Variants in SCOC observed in about 807,000 individuals in gnomAD.
SCOC encodes the protein short coiled coil protein.
A neutral mutation model predicts 9.9 loss-of-function variants in SCOC; 7 were observed. The observed-to-expected ratio is 0.71, with a 90% CI of 0.40 to 1.33. SCOC has a LOEUF of 1.33. SCOC is among the 40% of genes most tolerant of loss of function. The probability of loss-of-function intolerance (pLI) is 0.01; values close to 1 mark genes in which losing one functional copy is unlikely to be tolerated. For missense variants in SCOC, 66 were observed against 89.7 expected (o/e 0.74, Z 1.07); for synonymous variants, 19 against 28.2 (o/e 0.67, Z 1.03).
chr4:140,303,238 G>GA (rs960780424), intron 1 of SCOC, among the ~76,000 whole-genome samples: 8 of 152,074 alleles, frequency 5.3e-5, no homozygotes, highest in Non-Finnish European at 1.0e-4. Context: ...AGGGTTTACA[G>GA]AAAAAAAATT....
intron 1 of SCOC, among the ~76,000 whole-genome samples, chr4:140,326,583 T>C (rs1732652977): frequency 6.6e-6 from 1 of 152,192 alleles, no homozygotes; most frequent in African/African-American, 2.4e-5. Context: ...GGCCTGTGTT[T>C]GTCTCCCTCT....
In SCOC at chr4:140,380,039, A is replaced by T. The variant is rs1384307454; in HGVS notation, c.106+387A>T. On this transcript the variant is annotated intron_variant, in intron 3 of 3. Transcript: ENST00000608372. ...TCTAAATCTTGCATAAAATTAATAC[A>T]CTGAAACATCTTTTGAGTTTTAATG... 2.0e-5 allele frequency among the ~76,000 whole-genome samples: 3 copies of T among 152,174 alleles called. No individual in the cohort carries two copies. In the East Asian group the frequency reaches 5.8e-4, roughly 29 times the overall value.
intron 2 of SCOC, among the ~76,000 whole-genome samples, chr4:140,353,594 G>A (rs1369190040): frequency 6.6e-6 from 1 of 152,008 alleles, no homozygotes; most frequent in East Asian, 1.9e-4. Context: ...TGTATTTTTA[G>A]TAGAGACAGG....
chr4:140,267,654 C>T (rs1438484321), intron 1 of SCOC, among the ~76,000 whole-genome samples: 1 of 152,116 alleles, frequency 6.6e-6, no homozygotes, highest in Admixed American at 6.6e-5. Context: ...CCAGACAGGT[C>T]CACTAAGGGT....
intron 2 of SCOC, among the ~76,000 whole-genome samples, chr4:140,350,584 G>A (rs1726933961): frequency 1.3e-5 from 2 of 152,158 alleles, no homozygotes; most frequent in African/African-American, 2.4e-5. Context: ...ACTGTCATAT[G>A]CCAGGTAGTA....
intron 1 of SCOC, among the ~76,000 whole-genome samples, chr4:140,262,600 G>A (rs1308779265): frequency 6.6e-6 from 1 of 152,166 alleles, no homozygotes; most frequent in African/African-American, 2.4e-5. Context: ...AGAGGAAAGC[G>A]AGGTGGGGGA....
At chr4:140,259,754 T>C (rs1275285651) in intron 1 of SCOC, among the ~76,000 whole-genome samples, 1 of 152,170 alleles carries the variant, frequency 6.6e-6, no homozygotes, top group Non-Finnish European at 1.5e-5. Flanking sequence ...AAAACTTACT[T>C]ACCTGTAATC....
rs868539301 is a variant in SCOC at position 140,297,275 on chromosome 4, G to C, written c.-19+39865G>C. Among the ~76,000 whole-genome samples the C allele has an allele frequency of 9.4e-3, 1,425 of 152,000 alleles. 28 individuals are homozygous for C. The highest frequency in any genetic ancestry group is 0.031 in the African/African-American group (1,295 of 41,462). On this transcript the variant is annotated intron_variant, in intron 1 of 4. Coordinates refer to the SCOC transcript ENST00000394205. ...GAGAGCATTCTGGTGACTGTGGGGG[G>C]GGGGGCACTGTTGTCAGTATCTGCT...
intron 1 of SCOC, among the ~76,000 whole-genome samples, chr4:140,288,829 A>C (rs1459948182): frequency 1.3e-5 from 2 of 152,004 alleles, no homozygotes; most frequent in Non-Finnish European, 2.9e-5. Context: ...CATACTACCC[A>C]CATATATCAC....
upstream of SCOC, among the ~76,000 whole-genome samples, chr4:140,341,156 A>G (rs1247673729): frequency 6.6e-6 from 1 of 152,190 alleles, no homozygotes; most frequent in African/African-American, 2.4e-5. Context: ...CTTGAAGAAT[A>G]TCAGAAAAAA....
In SCOC at chr4:140,373,771, T is replaced by A. The variant is rs551207926; in HGVS notation, c.-51+54T>A. 9 of 1,499,912 alleles carry A rather than the reference T, an allele frequency of 6.0e-6. No homozygotes were observed. In the African/African-American group the frequency reaches 1.3e-4, roughly 21 times the overall value. 92.9% of individuals were successfully genotyped at this position (1,499,912 alleles called of 1,614,324 possible). On this transcript the variant is annotated intron_variant, in intron 1 of 3. Coordinates refer to ENST00000608372, the MANE Select transcript of SCOC (RefSeq NM_001153484.2). ...CTGGCCCCAGGCGACTAGAGCTGCA[T>A]CCTCAGTACCTCCGAGGGCCTGGAG...
intron 1 of SCOC, among the ~76,000 whole-genome samples, chr4:140,291,740 A>G (rs1731478535): frequency 6.6e-6 from 1 of 152,186 alleles, no homozygotes; most frequent in African/African-American, 2.4e-5. Context: ...GTCATTCTCC[A>G]GGATCCATCT....
intron 1 of SCOC, among the ~76,000 whole-genome samples, chr4:140,300,223 G>A (rs767759574): frequency 8.5e-5 from 13 of 152,188 alleles, no homozygotes; most frequent in Non-Finnish European, 1.3e-4. Context: ...TGCTAGCAAA[G>A]AACCAGAATT....
chr4:140,307,670 G>T (rs1286123656), intron 1 of SCOC, among the ~76,000 whole-genome samples: 6 of 152,188 alleles, frequency 3.9e-5, no homozygotes, highest in African/African-American at 1.2e-4. Context: ...TCTTAGGTTT[G>T]ATCTAAGTAG....
intron 1 of SCOC, among the ~76,000 whole-genome samples, chr4:140,308,109 T>C (rs933244049): frequency 2.0e-5 from 3 of 152,210 alleles, no homozygotes; most frequent in East Asian, 1.9e-4. Context: ...TGGGATATGA[T>C]GAATGTGCTA....
intron 2 of SCOC, chr4:140,361,101 C>T (rs1321609656): frequency 6.6e-6 from 1 of 152,088 alleles, no homozygotes; most frequent in African/African-American, 2.4e-5. Flanking sequence ...TGCTGGTATG[C>T]CAAGAGTACT....
rs70943486 is a variant in SCOC at position 140,332,359 on chromosome 4, C to CTTTTT, written c.-18-11236_-18-11232dup. Among the ~76,000 whole-genome samples the CTTTTT allele has an allele frequency of 1.2e-3, 90 of 76,814 alleles. 7 individuals carry two copies. The highest frequency in any genetic ancestry group is 3.7e-3 in the South Asian group (8 of 2,138). The allele number at this position is 76,814 out of a possible 152,430, so 50.4% of individuals were successfully genotyped here. Reference sequence around the variant, plus strand: ...CTCATGCCAAAAACTCTGGAGTCATCTTTTTTTTTTTTTTTTTTTTTTTTT... The same window carrying CTTTTT: ...CTCATGCCAAAAACTCTGGAGTCATCTTTTTTTTTTTTTTTTTTTTTTTTTTTTTT... On this transcript the variant is annotated intron_variant, in intron 1 of 4. Transcript: ENST00000394205.
chr4:140,365,001 T>C (rs1393123353), intron 2 of SCOC, among the ~76,000 whole-genome samples: 2 of 152,170 alleles, frequency 1.3e-5, no homozygotes, highest in Non-Finnish European at 2.9e-5. Context: ...CATGACAGTC[T>C]GGAATGATTA....
chr4:140,265,811 G>C (rs1343838104), intron 1 of SCOC, among the ~76,000 whole-genome samples: 1 of 152,198 alleles, frequency 6.6e-6, no homozygotes, highest in Non-Finnish European at 1.5e-5. Context: ...GTGGCCATCT[G>C]TCCCATCTCT....
Sources: gnomAD v4.1 joint callset for allele counts (sites outside exome capture counted in the v4.1 genomes callset) on GRCh38, gnomAD v4.1.1 for gene constraint, MANE v1.5 for transcripts, NCBI Gene and HGNC (gene_info 2026-07-23, HGNC 2026-07-21) for gene names.